LMO7: variants seen among roughly 807,000 people sequenced by gnomAD.
LMO7 encodes LIM domain only protein 7.
In LMO7, 120 loss-of-function variants were observed where a neutral mutation model predicts 206.5. The observed-to-expected ratio is 0.58, with a 90% CI of 0.50 to 0.68. The LOEUF is 0.68. LMO7 is among the 30% of genes least tolerant of loss of function. The pLI, the probability that LMO7 is intolerant of heterozygous loss-of-function variation, is 0.00. For missense variants in LMO7, 1,959 were observed against 1,957.9 expected, an observed-to-expected ratio of 1.00 and a Z score of -0.01; for synonymous variants, 706 against 681.5, an observed-to-expected ratio of 1.04 and a Z score of -0.56.
upstream of LMO7, among the ~76,000 whole-genome samples, chr13:75,634,247 G>T (rs1174768634): frequency 1.3e-5 from 2 of 151,874 alleles, no homozygotes; most frequent in Non-Finnish European, 2.9e-5. Context: ...GACCATCCTG[G>T]ACAACATAGT....
At chr13:75,834,166 C>A in intron 16 of LMO7, 60 bp from the exon 17 acceptor site, 1 of 1,260,724 alleles carries the variant, frequency 7.9e-7, no homozygotes, top group Non-Finnish European at 1.1e-6. Flanking sequence ...TTCAAAGCAG[C>A]AACTAATAGA....
At chr13:75,850,388 G>A (rs1206998717) in intron 27 of LMO7, among the ~76,000 whole-genome samples, 1 of 152,128 alleles carries the variant, frequency 6.6e-6, no homozygotes, top group East Asian at 1.9e-4. Context: ...GTAGTTTCTA[G>A]CACTCTATCT....
chr13:75,803,335 A>T (rs974371504), intron 7 of LMO7, among the ~76,000 whole-genome samples: 2 of 152,180 alleles, frequency 1.3e-5, no homozygotes, highest in Non-Finnish European at 2.9e-5. Context: ...CAGGTGCTCT[A>T]CCTGCTGAGA....
At chr13:75,824,492 A>G (rs2057919925) in intron 15 of LMO7, among the ~76,000 whole-genome samples, 1 of 152,224 alleles carries the variant, frequency 6.6e-6, no homozygotes, top group Admixed American at 6.5e-5. Flanking sequence ...ATATACCATC[A>G]GATGAAGAAT....
In LMO7 at chr13:75,734,917, G is replaced by A. The variant is rs376872462; in HGVS notation, c.210+7819G>A. Among the ~76,000 whole-genome samples, 9 of 152,234 alleles carry A rather than the reference G, an allele frequency of 5.9e-5. No homozygotes were observed. In the East Asian group the frequency reaches 1.7e-3, roughly 29 times the overall value. ...GATGACGACCATCCTGGCTAACACG[G>A]TGAAACCCTGTCTCTACTAAAAATA... On this transcript the variant is annotated intron_variant, in intron 3 of 30. Coordinates refer to ENST00000377534, the MANE Select transcript of LMO7 (RefSeq NM_001306080.2).
chr13:75,726,566 C>G (rs1271552926), intron 2 of LMO7, among the ~76,000 whole-genome samples: 1 of 152,000 alleles, frequency 6.6e-6, no homozygotes, highest in African/African-American at 2.4e-5. Flanking sequence ...ATGAGTCCAG[C>G]TCACCTTTTA....
At chr13:75,799,025 T>C (rs1452328286) in intron 6 of LMO7, among the ~76,000 whole-genome samples, 6 of 152,268 alleles carry the variant, frequency 3.9e-5, no homozygotes, top group Admixed American at 3.9e-4. Flanking sequence ...GCACCAGCGC[T>C]AGGCCTGGCT....
chr13:75,758,686 A>G (rs547533255), intron 3 of LMO7, among the ~76,000 whole-genome samples: 127 of 152,258 alleles, frequency 8.3e-4, no homozygotes, highest in African/African-American at 3.0e-3. Flanking sequence ...GGCTTTATTT[A>G]TCTATCCTTA....
At chr13:75,769,624 A>C (rs1313117167) in intron 4 of LMO7, among the ~76,000 whole-genome samples, 1 of 152,044 alleles carries the variant, frequency 6.6e-6, no homozygotes, top group Non-Finnish European at 1.5e-5. Flanking sequence ...AGATAAGCCA[A>C]TTTTTCCTAA....
At chr13:75,687,815 A>C (rs1477920502) in intron 1 of LMO7, among the ~76,000 whole-genome samples, 1 of 152,184 alleles carries the variant, frequency 6.6e-6, no homozygotes, top group Admixed American at 6.5e-5. Flanking sequence ...CAGCAATCTT[A>C]AAAATAAAAT....
chr13:75,752,084 C>T (rs2047314368), intron 3 of LMO7, among the ~76,000 whole-genome samples: 1 of 114,096 alleles, frequency 8.8e-6, no homozygotes, highest in East Asian at 4.5e-4. Context: ...GTAAATTAGA[C>T]TCTCTCTCTA....
chr13:75,790,941 T>C (rs934450856), intron 4 of LMO7, among the ~76,000 whole-genome samples: 17 of 135,986 alleles, frequency 1.3e-4, no homozygotes, highest in Admixed American at 1.2e-3. Context: ...ATACCCAAGA[T>C]AGGTATTTTT....
At position 75,840,448 on chromosome 13, in the gene LMO7, C is replaced by T. The variant is rs372147235; in HGVS notation, c.3535C>T (p.Arg1179Trp). The stretch of plus-strand genomic sequence containing the variant: ...CTGGGTGTGGGATCAAGAGGAGGAG[C>T]GGAAGCGGCAGGAGAGGTGGCAGAA... Reference protein sequence around the residue: ...SRWVWDQEEERKRQERWQKEQ... With the variant: ...SRWVWDQEEEWKRQERWQKEQ... The change falls in exon 22 of 31, where the codon CGG (arginine) becomes TGG (tryptophan). Residue 1179 changes from arginine to tryptophan, a missense_variant. Coordinates refer to ENST00000377534, the MANE Select transcript of LMO7 (RefSeq NM_001306080.2). The T allele has an allele frequency of 2.3e-4, 370 of 1,613,938 alleles. No individual in the cohort carries two copies. The highest frequency in any genetic ancestry group is 2.8e-4 in the Non-Finnish European group (333 of 1,179,934).
At chr13:75,666,211 G>C (rs973518079) in intron 1 of LMO7, among the ~76,000 whole-genome samples, 2 of 152,152 alleles carry the variant, frequency 1.3e-5, no homozygotes, top group African/African-American at 4.8e-5. Context: ...TTTATGCCTA[G>C]TGTTCCATTA....
intron 3 of LMO7, among the ~76,000 whole-genome samples, chr13:75,750,341 CTT>C: frequency 6.8e-6 from 1 of 146,490 alleles, no homozygotes; most frequent in East Asian, 2.0e-4. Flanking sequence ...TGCCAAAAAA[CTT>C]TTGTCCACAA....
At chr13:75,631,066 G>A (rs2034879769) in intron 2 of LMO7, among the ~76,000 whole-genome samples, 1 of 151,994 alleles carries the variant, frequency 6.6e-6, no homozygotes, top group Non-Finnish European at 1.5e-5. Context: ...TCTCTCTGTT[G>A]CCCAGGCTGG....
intron 1 of LMO7, chr13:75,689,098 G>GT (rs2041250019): frequency 6.6e-6 from 1 of 152,084 alleles, no homozygotes; most frequent in Admixed American, 6.5e-5. Context: ...CCTGAGGTTT[G>GT]TTTTTCTAAT....
At chr13:75,770,644 A>G (rs2049513303) in intron 4 of LMO7, among the ~76,000 whole-genome samples, 1 of 152,134 alleles carries the variant, frequency 6.6e-6, no homozygotes, top group Non-Finnish European at 1.5e-5. Flanking sequence ...GGAGTGATGA[A>G]TAGCAACGAG....
intron 3 of LMO7, among the ~76,000 whole-genome samples, chr13:75,738,891 A>T (rs1222736905): frequency 6.6e-6 from 1 of 152,202 alleles, no homozygotes; most frequent in Non-Finnish European, 1.5e-5. Context: ...TGGACCCCTC[A>T]TGATTTATTT....
Sources: gnomAD v4.1 joint callset for allele counts (sites outside exome capture counted in the v4.1 genomes callset) on GRCh38, gnomAD v4.1.1 for gene constraint, MANE v1.5 for transcripts, NCBI Gene and HGNC (gene_info 2026-07-23, HGNC 2026-07-21) for gene names.